Variants in CNTN6 observed in about 807,000 individuals in gnomAD.
CNTN6 encodes contactin-6.
CNTN6 carries 137 observed loss-of-function variants against 122.8 expected under a neutral mutation model. The ratio of observed to expected loss-of-function variants is 1.12; its 90% CI spans 0.97 to 1.29. The LOEUF (loss-of-function observed/expected upper bound fraction) is 1.29, where lower values mean the gene tolerates loss of function less well. CNTN6 is among the 50% of genes most tolerant of loss of function. The pLI is 0.00. For missense variants in CNTN6, 1,634 were observed against 1,223.4 expected (o/e 1.34, Z -5.01); for synonymous variants, 570 against 426.0 (o/e 1.34, Z -4.16).
At chr3:1,102,492 A>G (rs1003325389) in intron 1 of CNTN6, among the ~76,000 whole-genome samples, 7 of 152,064 alleles carry the variant, frequency 4.6e-5, no homozygotes, top group African/African-American at 1.7e-4. Flanking sequence ...GCACTTTGGG[A>G]GGCCGAGGTG....
Position 1,147,942 on chromosome 3 carries a change from A to G in CNTN6, c.-67A>G. ...TCTTTTTCAGACTCTTGAGATACTG[A>G]CTGGAAGATAGACTGTTTTGTTCCA... On this transcript the variant is annotated 5_prime_UTR_variant, in exon 2 of 23. Coordinates refer to ENST00000446702, the MANE Select transcript of CNTN6 (RefSeq NM_001289080.2). 1 of 1,131,806 alleles carries G rather than the reference A, an allele frequency of 8.8e-7. No homozygotes were observed. Among genetic ancestry groups the G allele is most frequent in the Non-Finnish European group, 1.3e-6 (1 of 748,542 alleles). The allele number at this position is 1,131,806 out of a possible 1,614,324, so 70.1% of individuals were successfully genotyped here. A position where few individuals can be genotyped will look rare whatever the true frequency, so the allele number is the denominator to read the frequency against.
intron 2 of CNTN6, among the ~76,000 whole-genome samples, chr3:1,172,620 C>G (rs905255236): frequency 3.8e-4 from 57 of 150,288 alleles, no homozygotes; most frequent in Non-Finnish European, 5.9e-4. Flanking sequence ...CAATAACTCT[C>G]TGTGTGTGTG....
chr3:1,390,824 T>C (rs983348292), intron 20 of CNTN6, among the ~76,000 whole-genome samples: 4 of 150,996 alleles, frequency 2.6e-5, no homozygotes, highest in African/African-American at 9.7e-5. Flanking sequence ...GATAAATTCC[T>C]CGACACATAC....
At chr3:1,318,716 G>A (rs751035679) in intron 7 of CNTN6, among the ~76,000 whole-genome samples, 4 of 151,756 alleles carry the variant, frequency 2.6e-5, no homozygotes, top group Admixed American at 6.6e-5. Context: ...CTAGGAGCAC[G>A]GGAGCTGGAG....
At chr3:1,346,026 T>G (rs544038491) in intron 11 of CNTN6, among the ~76,000 whole-genome samples, 1 of 152,004 alleles carries the variant, frequency 6.6e-6, no homozygotes, top group African/African-American at 2.4e-5. Flanking sequence ...TTTCTAATCC[T>G]CTTTGTCCTC....
At chr3:1,289,178 G>GTT (rs71619484) in intron 5 of CNTN6, among the ~76,000 whole-genome samples, 42 of 150,558 alleles carry the variant, frequency 2.8e-4, no homozygotes, top group South Asian at 6.3e-4. Flanking sequence ...AGTTTGGAAG[G>GTT]TTTTTTTTTT....
At chr3:1,161,769 T>TACACACACAC (rs558137459) in intron 2 of CNTN6, among the ~76,000 whole-genome samples, 4 of 143,034 alleles carry the variant, frequency 2.8e-5, no homozygotes, top group African/African-American at 7.8e-5. Context: ...TATATATGTA[T>TACACACACAC]ACACACACAC....
chr3:1,253,189 A>T (rs1348356609), intron 4 of CNTN6, among the ~76,000 whole-genome samples: 1 of 152,206 alleles, frequency 6.6e-6, no homozygotes, highest in East Asian at 1.9e-4. Context: ...CATTAGCTTC[A>T]GTCCTTGTAC....
At chr3:1,187,757 A>T (rs899864842) in intron 2 of CNTN6, among the ~76,000 whole-genome samples, 1 of 152,222 alleles carries the variant, frequency 6.6e-6, no homozygotes, top group Non-Finnish European at 1.5e-5. Context: ...GTGAAGCCAC[A>T]CAGGTCAGAT....
intron 2 of CNTN6, among the ~76,000 whole-genome samples, chr3:1,198,707 A>C (rs1370246295): frequency 6.8e-6 from 1 of 146,288 alleles, no homozygotes; most frequent in Non-Finnish European, 1.5e-5. Context: ...GGGCAACAAG[A>C]ACGAAACTGT....
chr3:1,144,592 A>T (rs1016750905), intron 1 of CNTN6, among the ~76,000 whole-genome samples: 2 of 112,422 alleles, frequency 1.8e-5, no homozygotes, highest in African/African-American at 8.0e-5. Context: ...AAATAATAAT[A>T]ATAAAAAATA....
intron 5 of CNTN6, among the ~76,000 whole-genome samples, chr3:1,287,887 T>G (rs1234772479): frequency 6.6e-6 from 1 of 152,202 alleles, no homozygotes; most frequent in Non-Finnish European, 1.5e-5. Context: ...TGAATGTTCC[T>G]CCCCATGTTT....
At chr3:1,115,621 G>T (rs1193935772) in intron 1 of CNTN6, among the ~76,000 whole-genome samples, 2 of 152,008 alleles carry the variant, frequency 1.3e-5, no homozygotes, top group Non-Finnish European at 2.9e-5. Flanking sequence ...GCATGAAGGT[G>T]CATGCCTGTA....
At chr3:1,281,799 C>G (rs925051932) in intron 5 of CNTN6, among the ~76,000 whole-genome samples, 1 of 152,150 alleles carries the variant, frequency 6.6e-6, no homozygotes, top group Non-Finnish European at 1.5e-5. Flanking sequence ...TCAACATAAA[C>G]AGTCAGCAAG....
chr3:1,160,413 G>T (rs1399784860), intron 2 of CNTN6, among the ~76,000 whole-genome samples: 4 of 136,542 alleles, frequency 2.9e-5, no homozygotes, highest in East Asian at 4.4e-4. Flanking sequence ...TTCATTTCTG[G>T]CTTGTTTCAT....
intron 4 of CNTN6, among the ~76,000 whole-genome samples, chr3:1,232,003 A>C (rs1006035012): frequency 2.0e-5 from 3 of 152,210 alleles, no homozygotes; most frequent in Non-Finnish European, 4.4e-5. Flanking sequence ...TATGTATGTT[A>C]ATGAATTACT....
At chr3:1,402,719 A>G in intron 22 of CNTN6, 1 of 395,288 alleles carries the variant, frequency 2.5e-6, no homozygotes, top group Admixed American at 4.0e-5. Context: ...ACAGGAAAAA[A>G]AATCTTTGTG....
At chr3:1,362,360 T>A (rs577541632) in intron 12 of CNTN6, among the ~76,000 whole-genome samples, 1 of 152,128 alleles carries the variant, frequency 6.6e-6, no homozygotes, top group African/African-American at 2.4e-5. Context: ...GTCACAGCGA[T>A]AGAAATATTG....
intron 2 of CNTN6, among the ~76,000 whole-genome samples, chr3:1,176,827 A>G (rs1055010461): frequency 6.6e-6 from 1 of 152,196 alleles, no homozygotes; most frequent in Non-Finnish European, 1.5e-5. Context: ...CTAATAAAGT[A>G]TTAATGAGTC....
Sources: allele counts gnomAD v4.1 joint callset (sites outside exome capture counted in the v4.1 genomes callset), GRCh38; gene constraint gnomAD v4.1.1; transcripts MANE v1.5; gene names NCBI Gene and HGNC (gene_info 2026-07-23, HGNC 2026-07-21).